TRIM38: variants seen among roughly 807,000 people sequenced by gnomAD.
TRIM38 encodes E3 ubiquitin-protein ligase TRIM38.
A neutral mutation model predicts 35.8 loss-of-function variants in TRIM38; 35 were observed. That is an observed-to-expected ratio of 0.98 (90% CI 0.75 to 1.30). The LOEUF (loss-of-function observed/expected upper bound fraction) is 1.30. Among genes scored for constraint, TRIM38 ranks in the 50% most tolerant of loss-of-function variants. The pLI is 0.00. For missense variants in TRIM38, 545 were observed against 556.9 expected (o/e 0.98, Z 0.21); for synonymous variants, 198 against 204.7 (o/e 0.97, Z 0.28).
rs79086726 is a variant in TRIM38 at position 25,975,007 on chromosome 6, G to A, written c.874+1722G>A. ...CAGAAGGAATCATAATATGGTTCAA[G>A]TGAAACTATTTCTTTCTTTCTTTCT... On this transcript the variant is annotated intron_variant, in intron 7 of 7. Coordinates refer to ENST00000357085, the MANE Select transcript of TRIM38 (RefSeq NM_006355.5). The A allele has an allele frequency of 1.5e-4, 144 of 966,804 alleles. No individual in the cohort carries two copies. The African/African-American group carries it at 2.4e-3, about 16-fold the overall frequency. 59.9% of individuals were successfully genotyped at this position (966,804 alleles called of 1,614,324 possible). A position where few individuals can be genotyped will look rare whatever the true frequency, so the allele number is the denominator to read the frequency against.
In TRIM38 at chr6:25,989,353, C is replaced by T. The variant is rs987325619; in HGVS notation, c.*5666C>T. 1 of 152,172 alleles carries T rather than the reference C, an allele frequency of 6.6e-6. No homozygotes were observed. The highest frequency in any genetic ancestry group is 6.5e-5 in the Admixed American group (1 of 15,272). 9.4% of individuals were successfully genotyped at this position (152,172 alleles called of 1,614,324 possible). A position where few individuals can be genotyped will look rare whatever the true frequency, so the allele number is the denominator to read the frequency against. On this transcript the variant is annotated 3_prime_UTR_variant, in exon 8 of 8. Transcript: ENST00000357085. Reference sequence around the variant, plus strand: ...GCCAATGTGTGGCTTTTCTTCAACACTTCTTTGTAAATTTGCAAGTCCTTT... The same window carrying T: ...GCCAATGTGTGGCTTTTCTTCAACATTTCTTTGTAAATTTGCAAGTCCTTT...
At chr6:25,976,187 T>G (rs1760387319) in intron 7 of TRIM38, among the ~76,000 whole-genome samples, 1 of 152,168 alleles carries the variant, frequency 6.6e-6, no homozygotes, top group Non-Finnish European at 1.5e-5. Context: ...ATCTCATAAC[T>G]AGAAGGTAGT....
intron 5 of TRIM38, among the ~76,000 whole-genome samples, chr6:25,972,640 C>A (rs1320183789): frequency 6.6e-6 from 1 of 152,144 alleles, no homozygotes; most frequent in Non-Finnish European, 1.5e-5. Flanking sequence ...TGGCAGTGGC[C>A]CAGTCTCAGG....
chr6:25,972,831 G>T (rs547639185), intron 5 of TRIM38, among the ~76,000 whole-genome samples: 94 of 152,344 alleles, frequency 6.2e-4, no homozygotes, highest in Admixed American at 9.8e-4. Context: ...ATCCTGCCAT[G>T]CTGAATCTCC....
intron 7 of TRIM38, among the ~76,000 whole-genome samples, chr6:25,978,454 A>T (rs1182000697): frequency 6.6e-6 from 1 of 152,142 alleles, no homozygotes; most frequent in Non-Finnish European, 1.5e-5. Context: ...AATCTATATT[A>T]TATATAAAAG....
chr6:25,986,175 T>C lies in TRIM38; in HGVS notation c.*2488T>C, dbSNP rs1172003749. ...TTTAAAAAGAAACCAATGGCCTAACTGACCCAAGAAGGGAAAGAAAATCTA... is the reference window on the plus strand; with the variant it reads ...TTTAAAAAGAAACCAATGGCCTAACCGACCCAAGAAGGGAAAGAAAATCTA... On this transcript the variant is annotated 3_prime_UTR_variant, in exon 8 of 8. Coordinates refer to ENST00000357085, the MANE Select transcript of TRIM38 (RefSeq NM_006355.5). 6.6e-6 allele frequency: 1 copy of C among 152,146 alleles called. No homozygotes were observed. The highest frequency in any genetic ancestry group is 6.5e-5 in the Admixed American group (1 of 15,276). 9.4% of individuals were successfully genotyped at this position (152,146 alleles called of 1,614,324 possible). A position where few individuals can be genotyped will look rare whatever the true frequency, so the allele number is the denominator to read the frequency against.
Position 25,983,479 on chromosome 6 carries a change from C to T in TRIM38, c.1190C>T (p.Thr397Ile). 6.2e-7 allele frequency: 1 copy of T among 1,614,160 alleles called. No homozygotes were observed. Among genetic ancestry groups the T allele is most frequent in the Non-Finnish European group, 8.5e-7 (1 of 1,180,046 alleles). The change falls in exon 8 of 8, where the codon ACT becomes ATT. Residue 397 changes from threonine to isoleucine, a missense_variant. Physicochemically the swap from Thr to Ile is moderately conservative, Grantham distance 89. Coordinates refer to ENST00000357085, the MANE Select transcript of TRIM38 (RefSeq NM_006355.5). ...AAAAAGAAAGGCTATGTAGCACTTA[C>T]TTCTCCCCCAACTTCCCTTCATCTG... ...LCKKKGYVAL[T>I]SPPTSLHLHE...
chr6:25,965,027 G>C (rs1358056105), intron 2 of TRIM38, among the ~76,000 whole-genome samples: 1 of 152,066 alleles, frequency 6.6e-6, no homozygotes, highest in East Asian at 1.9e-4. Context: ...TGGTCAGGCT[G>C]GTCTCAAACT....
Position 25,983,778 on chromosome 6 carries a change from T to C in TRIM38, c.*91T>C. On this transcript the variant is annotated 3_prime_UTR_variant, in exon 8 of 8. Coordinates refer to ENST00000357085, the MANE Select transcript of TRIM38 (RefSeq NM_006355.5). ...GACGTTTGGTCTGTTTTCTTCGCTGTCATTTCCTTAGTAGTTAGACTAGTG... is the reference window on the plus strand; with the variant it reads ...GACGTTTGGTCTGTTTTCTTCGCTGCCATTTCCTTAGTAGTTAGACTAGTG... 8.1e-7 allele frequency: 1 copy of C among 1,240,584 alleles called. No individual in the cohort carries two copies. The highest frequency in any genetic ancestry group is 1.1e-6 in the Non-Finnish European group (1 of 904,368). The allele number at this position is 1,240,584 out of a possible 1,614,324, so 76.8% of individuals were successfully genotyped here.
rs1759891597 is a variant in TRIM38 at position 25,962,867 on chromosome 6, A to C, written c.-423+12A>C. 6.6e-6 allele frequency: 1 copy of C among 152,416 alleles called. No homozygotes were observed. Among genetic ancestry groups the C allele is most frequent in the Non-Finnish European group, 1.5e-5 (1 of 68,122 alleles). The allele number at this position is 152,416 out of a possible 1,614,324, so 9.4% of individuals were successfully genotyped here. A position where few individuals can be genotyped will look rare whatever the true frequency, so the allele number is the denominator to read the frequency against. On this transcript the variant is annotated intron_variant, in intron 1 of 7. Transcript: ENST00000357085. ...CTAGCAGCGAATATGTAAGTGTCTGAGCAGTGAAGGTTACGGAAAAGGTCC... is the reference window on the plus strand; with the variant it reads ...CTAGCAGCGAATATGTAAGTGTCTGCGCAGTGAAGGTTACGGAAAAGGTCC...
At chr6:25,969,812 A>G (rs1044450740) in intron 4 of TRIM38, among the ~76,000 whole-genome samples, 5 of 152,232 alleles carry the variant, frequency 3.3e-5, no homozygotes, top group East Asian at 1.9e-4. Context: ...TCAACTTTAC[A>G]GGTACAGAAA....
rs1471855550 is a variant in TRIM38, at chr6:25,983,474, A to G, written c.1185A>G (p.Ala395=). ...LRLCKKKGYV[A]LTSPPTSLHL... is the part of the protein sequence containing the mutation. ...TGTGCAAAAAGAAAGGCTATGTAGCACTTACTTCTCCCCCAACTTCCCTTC... is the reference window on the plus strand; with the variant it reads ...TGTGCAAAAAGAAAGGCTATGTAGCGCTTACTTCTCCCCCAACTTCCCTTC... The change falls in exon 8 of 8, where the codon GCA becomes GCG. Residue 395 remains alanine (A), a synonymous_variant. Coordinates refer to ENST00000357085, the MANE Select transcript of TRIM38 (RefSeq NM_006355.5). 2 of 1,614,138 alleles carry G rather than the reference A, an allele frequency of 1.2e-6. No homozygotes were observed. Among genetic ancestry groups the G allele is most frequent in the South Asian group, 2.2e-5 (2 of 91,086 alleles).
rs1226399256 is a variant in TRIM38 at position 25,987,061 on chromosome 6, C to T, written c.*3374C>T. On this transcript the variant is annotated 3_prime_UTR_variant, in exon 8 of 8. Transcript: ENST00000357085. ...GGTAGTTGGCTGAAAATCAGGAGTT[C>T]TCATATTAAAAAACAGAGAAGGGAC... 6.6e-6 allele frequency: 1 copy of T among 151,962 alleles called. No homozygotes were observed. The highest frequency in any genetic ancestry group is 1.5e-5 in the Non-Finnish European group (1 of 67,998). 9.4% of individuals were successfully genotyped at this position (151,962 alleles called of 1,614,324 possible). A position where few individuals can be genotyped will look rare whatever the true frequency, so the allele number is the denominator to read the frequency against.
rs548917999 is a variant in TRIM38 at position 25,985,515 on chromosome 6, T to G, written c.*1828T>G. ...TTGTTTCTGTCTTGTCAATCTGTCT[T>G]TTGTTAGTCTACTTGATAGGGCCAC... On this transcript the variant is annotated 3_prime_UTR_variant, in exon 8 of 8. Transcript: ENST00000357085. The G allele has an allele frequency of 2.0e-5, 3 of 152,286 alleles. No individual in the cohort carries two copies. In the South Asian group the frequency reaches 6.2e-4, roughly 32 times the overall value. 9.4% of individuals were successfully genotyped at this position (152,286 alleles called of 1,614,324 possible). A position where few individuals can be genotyped will look rare whatever the true frequency, so the allele number is the denominator to read the frequency against.
chr6:25,977,835 T>C (rs983640969), intron 7 of TRIM38, among the ~76,000 whole-genome samples: 5 of 152,152 alleles, frequency 3.3e-5, no homozygotes, highest in African/African-American at 9.7e-5. Flanking sequence ...GAAGGCTATA[T>C]ACACACCAGA....
At position 25,983,635 on chromosome 6, in the gene TRIM38, A is replaced by G. The variant is rs1760634647; in HGVS notation, c.1346A>G (p.Tyr449Cys). 6 of 1,611,832 alleles carry G rather than the reference A, an allele frequency of 3.7e-6. No homozygotes were observed. Among genetic ancestry groups the G allele is most frequent in the Non-Finnish European group, 5.1e-6 (6 of 1,179,364 alleles). Residue 449 changes from tyrosine to cysteine, a missense_variant, in exon 8 of 8, where the codon TAT (tyrosine) becomes TGT (cysteine). Physicochemically the swap from Tyr to Cys is radical, Grantham distance 194. Transcript: ENST00000357085. ...TCCTTCTCTGATACTCTCCGGCCCTATTTCCAGGTTTATCAATATTCTCCT... is the reference window on the plus strand; with the variant it reads ...TCCTTCTCTGATACTCTCCGGCCCTGTTTCCAGGTTTATCAATATTCTCCT... ...KASFSDTLRP[Y>C]FQVYQYSPLF... is the part of the protein sequence containing the mutation.
chr6:25,985,536 G>A lies in TRIM38; in HGVS notation c.*1849G>A, dbSNP rs189319152. On this transcript the variant is annotated 3_prime_UTR_variant, in exon 8 of 8. Transcript: ENST00000357085. ...GTCTTTTGTTAGTCTACTTGATAGG[G>A]CCACAGATGGAGAACCTAAGATGAA... 1 of 152,052 alleles carries A rather than the reference G, an allele frequency of 6.6e-6. No homozygotes were observed. The highest frequency in any genetic ancestry group is 1.5e-5 in the Non-Finnish European group (1 of 68,040). The allele number at this position is 152,052 out of a possible 1,614,324, so 9.4% of individuals were successfully genotyped here. A position where few individuals can be genotyped will look rare whatever the true frequency, so the allele number is the denominator to read the frequency against.
chr6:25,980,209 C>T (rs1760506379), intron 7 of TRIM38, among the ~76,000 whole-genome samples: 2 of 152,092 alleles, frequency 1.3e-5, no homozygotes, highest in South Asian at 2.1e-4. Context: ...CCGTATCTTC[C>T]CTTATTTCTT....
chr6:25,968,668 G>C (rs1187107978), intron 3 of TRIM38, among the ~76,000 whole-genome samples: 2 of 152,120 alleles, frequency 1.3e-5, no homozygotes, highest in Non-Finnish European at 2.9e-5. Flanking sequence ...TAGCAATTTG[G>C]GTCAGCTTCA....
Sources: allele counts gnomAD v4.1 joint callset (sites outside exome capture counted in the v4.1 genomes callset), GRCh38; gene constraint gnomAD v4.1.1; transcripts MANE v1.5; gene names NCBI Gene and HGNC (gene_info 2026-07-23, HGNC 2026-07-21).